INPP5B: variants seen among roughly 807,000 people sequenced by gnomAD.
INPP5B encodes inositol polyphosphate-5-phosphatase B, also known as type II inositol 1,4,5-trisphosphate 5-phosphatase.
In INPP5B, 90 loss-of-function variants were observed where a neutral mutation model predicts 118.5. That is an observed-to-expected ratio of 0.76 (90% CI 0.64 to 0.90). The LOEUF (loss-of-function observed/expected upper bound fraction) is 0.90. Among genes scored for constraint, INPP5B ranks in the 40% least tolerant of loss-of-function variants. The pLI is 0.00. For missense variants in INPP5B, 984 were observed against 1,125.6 expected (o/e 0.87, Z 1.80); for synonymous variants, 385 against 418.9 (o/e 0.92, Z 0.99).
chr1:37,908,558 C>T (rs1391878675), intron 7 of INPP5B, among the ~76,000 whole-genome samples: 4 of 148,646 alleles, frequency 2.7e-5, no homozygotes, highest in Admixed American at 6.8e-5. Context: ...GGCAATATAG[C>T]GAGACCCCGT....
At chr1:37,917,968 AG>A (rs1357563820) in intron 7 of INPP5B, among the ~76,000 whole-genome samples, 1 of 152,108 alleles carries the variant, frequency 6.6e-6, no homozygotes, top group African/African-American at 2.4e-5. Flanking sequence ...TTCTGTATGC[AG>A]GGGGGACCCA....
intron 7 of INPP5B, among the ~76,000 whole-genome samples, chr1:37,898,929 C>T (rs1451198267): frequency 1.3e-5 from 2 of 152,046 alleles, no homozygotes; most frequent in Non-Finnish European, 2.9e-5. Flanking sequence ...CGTCTGTAAT[C>T]CCAGTACTCT....
At chr1:37,941,901 G>A (rs1183354435) in intron 5 of INPP5B, among the ~76,000 whole-genome samples, 1 of 98,538 alleles carries the variant, frequency 1.0e-5, no homozygotes, top group East Asian at 3.0e-4. Flanking sequence ...TCGCGCCACT[G>A]CACTCCAGCC....
intron 7 of INPP5B, among the ~76,000 whole-genome samples, chr1:37,902,977 T>C (rs912104103): frequency 4.0e-5 from 6 of 148,580 alleles, no homozygotes; most frequent in African/African-American, 1.5e-4. Flanking sequence ...AGTGAGACCC[T>C]GTCTCAAAAA....
chr1:37,938,130 G>A (rs1645769125), intron 6 of INPP5B, among the ~76,000 whole-genome samples: 1 of 151,246 alleles, frequency 6.6e-6, no homozygotes, highest in Admixed American at 6.6e-5. Context: ...AAATTAGCTG[G>A]GTGTGGTGGC....
At chr1:37,916,336 C>T (rs374508274) in intron 7 of INPP5B, among the ~76,000 whole-genome samples, 11 of 152,058 alleles carry the variant, frequency 7.2e-5, no homozygotes, top group Admixed American at 4.6e-4. Flanking sequence ...TCAAGTGATC[C>T]GCCCACCTCG....
At chr1:37,932,834 C>G (rs955112949) in intron 6 of INPP5B, among the ~76,000 whole-genome samples, 8 of 152,092 alleles carry the variant, frequency 5.3e-5, no homozygotes, top group Admixed American at 5.2e-4. Context: ...AAACACACGC[C>G]GTAAGTAAGC....
chr1:37,887,584 G>A, intron 10 of INPP5B, 119 bp from the exon 11 acceptor site: 1 of 609,030 alleles, frequency 1.6e-6, no homozygotes, highest in South Asian at 2.1e-5. Context: ...ACCCTCAGGA[G>A]GAAAAAATAA....
chr1:37,907,360 C>T lies in INPP5B; in HGVS notation c.533-15906G>A, dbSNP rs987667118. 6.6e-6 allele frequency among the ~76,000 whole-genome samples: 1 copy of T among 152,156 alleles called. No homozygotes were observed. Among genetic ancestry groups the T allele is most frequent in the African/African-American group, 2.4e-5 (1 of 41,426 alleles). On this transcript the variant is annotated intron_variant, in intron 7 of 23. Coordinates refer to ENST00000373024, the MANE Select transcript of INPP5B (RefSeq NM_005540.3). The surrounding 1 kb of genome is among the most constrained non-coding windows in gnomAD (Gnocchi z 4.3). ...TCCTCTCTACCCTGAATACAAGAGA[C>T]CCTCATAGTTAGGCAGGAATATAAT...
chr1:37,915,599 A>G (rs1224149510), intron 7 of INPP5B, among the ~76,000 whole-genome samples: 9 of 152,216 alleles, frequency 5.9e-5, no homozygotes, highest in African/African-American at 1.9e-4. Flanking sequence ...ACTGGAGTAT[A>G]TGTCTGTGTG....
At chr1:37,904,890 A>AT (rs1644455042) in intron 7 of INPP5B, among the ~76,000 whole-genome samples, 1 of 152,178 alleles carries the variant, frequency 6.6e-6, no homozygotes, top group East Asian at 1.9e-4. Context: ...AAAAAAAAAA[A>AT]ATTTTAAAGG....
At chr1:37,883,191 T>C (rs1643310967) in intron 13 of INPP5B, 1 of 985,318 alleles carries the variant, frequency 1.0e-6, no homozygotes, top group Non-Finnish European at 1.2e-6. Flanking sequence ...TCTAATAAGA[T>C]CTAAAAGATA....
intron 6 of INPP5B, among the ~76,000 whole-genome samples, chr1:37,935,511 C>T (rs1330673510): frequency 4.0e-5 from 6 of 151,408 alleles, no homozygotes; most frequent in African/African-American, 7.3e-5. Context: ...CTTATCTCTG[C>T]GGATGAAGTT....
rs767442521 is a variant in INPP5B, at chr1:37,875,607, T to A, written c.1787A>T (p.Glu596Val). Residue 596 changes from glutamate (E) to valine (V), a missense_variant and splice_region_variant, in exon 17 of 24, where the codon GAG (glutamate) becomes GTG (valine). By Grantham distance (121) the Glu-to-Val change is moderately radical. Transcript: ENST00000373024. ...ATATTCTTAACATGTCCTTCCTACC[T>A]CTCGCTTGGACAGGGACACAGAAGG... Reference protein sequence around the residue: ...NIPSVSLSKREFCFQNVKYMQ... With the variant: ...NIPSVSLSKRVFCFQNVKYMQ... The A allele has an allele frequency of 3.7e-6, 6 of 1,610,948 alleles. No individual in the cohort carries two copies. Among genetic ancestry groups the A allele is most frequent in the Non-Finnish European group, 5.1e-6 (6 of 1,177,118 alleles).
In INPP5B at chr1:37,893,085, C is replaced by CTTTTT. The variant is rs71053999; in HGVS notation, c.533-1636_533-1632dup. 4.7e-4 allele frequency among the ~76,000 whole-genome samples: 38 copies of CTTTTT among 81,416 alleles called. 1 individual carries two copies. Among genetic ancestry groups the CTTTTT allele is most frequent in the African/African-American group, 1.5e-3 (25 of 16,738 alleles). 53.4% of individuals were successfully genotyped at this position (81,416 alleles called of 152,430 possible). On this transcript the variant is annotated intron_variant, in intron 7 of 23. Coordinates refer to ENST00000373024, the MANE Select transcript of INPP5B (RefSeq NM_005540.3). ...TATGTTTTTTTATTATTTTCTTTTT[C>CTTTTT]TTTTTTTTTTTTTTTTTTTTTTTTT...
Position 37,945,757 on chromosome 1 carries a change from C to T in INPP5B, c.151G>A (p.Ala51Thr), listed in dbSNP as rs763067577. 6 of 1,612,914 alleles carry T rather than the reference C, an allele frequency of 3.7e-6. No homozygotes were observed. The highest frequency in any genetic ancestry group is 1.7e-5 in the Admixed American group (1 of 59,970). ...YRLEHGGQEHALFLYTHRRMA... is the reference protein window; with the variant it reads ...YRLEHGGQEHTLFLYTHRRMA... ...GTGGGGACCAAGCCCCTCACTCACG[C>T]GTGTTCCTGGCCGCCGTGCTCCAGG... Residue 51 changes from alanine to threonine, a missense_variant and splice_region_variant, in exon 3 of 24, where the codon GCT becomes ACT. By Grantham distance (58) the Ala-to-Thr change is moderately conservative (BLOSUM62 0). Coordinates refer to ENST00000373024, the MANE Select transcript of INPP5B (RefSeq NM_005540.3).
intron 6 of INPP5B, among the ~76,000 whole-genome samples, chr1:37,935,840 G>A (rs1264343972): frequency 6.6e-6 from 1 of 151,970 alleles, no homozygotes; most frequent in Non-Finnish European, 1.5e-5. Context: ...GCCAAGGCGG[G>A]CGGATCACGA....
chr1:37,910,309 C>T (rs774159240), intron 7 of INPP5B, among the ~76,000 whole-genome samples: 24 of 152,094 alleles, frequency 1.6e-4, no homozygotes, highest in Non-Finnish European at 3.1e-4. Context: ...GACAGCCAGG[C>T]GTCTAAACCT....
At chr1:37,900,462 T>C (rs1644289602) in intron 7 of INPP5B, among the ~76,000 whole-genome samples, 1 of 149,984 alleles carries the variant, frequency 6.7e-6, no homozygotes, top group African/African-American at 2.5e-5. Flanking sequence ...ACAATGTTGG[T>C]CAGGCTGGTC....
Sources: gnomAD v4.1 joint callset for allele counts (sites outside exome capture counted in the v4.1 genomes callset) on GRCh38, gnomAD v4.1.1 for gene constraint, Gnocchi (gnomAD v3.1) non-coding constraint, MANE v1.5 for transcripts, NCBI Gene and HGNC (gene_info 2026-07-23, HGNC 2026-07-21) for gene names.